The following CHRNA9 variants were observed in gnomAD, a reference collection of about 807,000 sequenced individuals.
The protein encoded by CHRNA9 is neuronal acetylcholine receptor subunit alpha-9.
A neutral mutation model predicts 36.8 loss-of-function variants in CHRNA9; 24 were observed. That is an observed-to-expected ratio of 0.65 (90% confidence interval 0.47 to 0.92). The LOEUF (loss-of-function observed/expected upper bound fraction) is 0.92, where lower values mean the gene tolerates loss of function less well. Among genes scored for constraint, CHRNA9 ranks in the 40% least tolerant of loss-of-function variants. The probability of loss-of-function intolerance (pLI) is 0.00; values close to 1 mark genes in which losing one functional copy is unlikely to be tolerated. For missense variants in CHRNA9, 610 were observed against 601.2 expected, an observed-to-expected ratio of 1.01 and a Z score of -0.15; for synonymous variants, 231 against 231.8, an observed-to-expected ratio of 1.00 and a Z score of 0.03.
rs1447453022 is a variant in CHRNA9 at position 40,354,755 on chromosome 4, A to AC, written c.*237dup. 4 of 442,632 alleles carry AC rather than the reference A, an allele frequency of 9.0e-6. No individual in the cohort carries two copies. Among genetic ancestry groups the AC allele is most frequent in the Non-Finnish European group, 1.6e-5 (4 of 249,308 alleles). The allele number at this position is 442,632 out of a possible 1,614,324, so 27.4% of individuals were successfully genotyped here. On this transcript the variant is annotated 3_prime_UTR_variant, in exon 5 of 5. Transcript: ENST00000310169. ...TAGGGAAAGAGCCCTTTTATAGCCC[A>AC]CCGTAGTGGTGGGTGACTGGCCTCT...
chr4:40,335,404 C>CT lies in CHRNA9; in HGVS notation c.-64_-63insT. 1 of 1,228,790 alleles carries CT rather than the reference C, an allele frequency of 8.1e-7. No homozygotes were observed. Among genetic ancestry groups the CT allele is most frequent in the Non-Finnish European group, 1.2e-6 (1 of 828,748 alleles). The allele number at this position is 1,228,790 out of a possible 1,614,324, so 76.1% of individuals were successfully genotyped here. On this transcript the variant is annotated 5_prime_UTR_variant, in exon 1 of 5. Transcript: ENST00000310169. ...TCCTTGTGCCCAGATCCTTTGTATT[C>CT]ATAGGGGGAAGTGGAAGACCACGCT...
chr4:40,349,144 G>T lies in CHRNA9; in HGVS notation c.628G>T (p.Ala210Ser). Residue 210 changes from alanine to serine, a missense_variant, in exon 4 of 5, where the codon GCT becomes TCT. Physicochemically the swap from Ala to Ser is moderately conservative, Grantham distance 99. Coordinates refer to ENST00000310169, the MANE Select transcript of CHRNA9 (RefSeq NM_017581.4). ...GGAATGGGAGGTCCATGGCATGCCC[G>T]CTGTGAAGAATGTGATCTCCTATGG... ...DVEWEVHGMP[A>S]VKNVISYGCC... 1 of 1,614,168 alleles carries T rather than the reference G, an allele frequency of 6.2e-7. No individual in the cohort carries two copies. The highest frequency in any genetic ancestry group is 8.5e-7 in the Non-Finnish European group (1 of 1,180,022).
At chr4:40,344,851 A>G (rs1464085543) in intron 3 of CHRNA9, among the ~76,000 whole-genome samples, 1 of 152,218 alleles carries the variant, frequency 6.6e-6, no homozygotes, top group Non-Finnish European at 1.5e-5. Flanking sequence ...CCCTTATAAC[A>G]CAGAAGTGAA....
At chr4:40,336,113 GAAAAGGAAGCTTTCTAC>G (rs1202169654) in intron 2 of CHRNA9, 141 bp downstream of exon 2, 3 of 711,970 alleles carry the variant, frequency 4.2e-6, no homozygotes, top group Non-Finnish European at 4.7e-6. Flanking sequence ...AGAATGTCGG[GAAAAGGAAGCTTTCTAC>G]AAAACTAATT....
intron 3 of CHRNA9, among the ~76,000 whole-genome samples, chr4:40,343,248 C>A (rs1234418409): frequency 1.3e-5 from 2 of 152,168 alleles, no homozygotes; most frequent in East Asian, 3.9e-4. Flanking sequence ...CTGTATTGGT[C>A]TGTTTTCATG....
chr4:40,354,625 G>A lies in CHRNA9; in HGVS notation c.*105G>A. 2 of 945,794 alleles carry A rather than the reference G, an allele frequency of 2.1e-6. No individual in the cohort carries two copies. Among genetic ancestry groups the A allele is most frequent in the Non-Finnish European group, 3.2e-6 (2 of 625,638 alleles). The allele number at this position is 945,794 out of a possible 1,614,324, so 58.6% of individuals were successfully genotyped here. On this transcript the variant is annotated 3_prime_UTR_variant, in exon 5 of 5. Transcript: ENST00000310169. ...TGTTCATCTATAATTTAGGGGTTATGTTGTCTGTGCTTTTTATTTTTAGCT... is the reference window on the plus strand; with the variant it reads ...TGTTCATCTATAATTTAGGGGTTATATTGTCTGTGCTTTTTATTTTTAGCT...
chr4:40,335,353 C>G lies in CHRNA9; in HGVS notation c.-115C>G. 3 of 800,088 alleles carry G rather than the reference C, an allele frequency of 3.7e-6. No homozygotes were observed. The highest frequency in any genetic ancestry group is 4.3e-6 in the Non-Finnish European group (2 of 461,142). The allele number at this position is 800,088 out of a possible 1,614,324, so 49.6% of individuals were successfully genotyped here. A position where few individuals can be genotyped will look rare whatever the true frequency, so the allele number is the denominator to read the frequency against. On this transcript the variant is annotated 5_prime_UTR_variant, in exon 1 of 5. Coordinates refer to ENST00000310169, the MANE Select transcript of CHRNA9 (RefSeq NM_017581.4). ...CATGCAATGCAAGCCTGAGCTCTCC[C>G]GCCATAAGGCTGCAGCGGTGTGGGC... is the stretch of plus-strand genomic sequence containing the variant.
At chr4:40,339,570 G>T (rs1001670482) in intron 3 of CHRNA9, among the ~76,000 whole-genome samples, 1 of 150,386 alleles carries the variant, frequency 6.6e-6, no homozygotes, top group Non-Finnish European at 1.5e-5. Context: ...GGAGGCTGAG[G>T]CAGGAGAATG....
At chr4:40,338,220 A>G (rs979512123) in intron 3 of CHRNA9, 1 of 152,210 alleles carries the variant, frequency 6.6e-6, no homozygotes, top group Middle Eastern at 3.2e-3. Context: ...CCGGTCTCAG[A>G]GCAAGGGGCA....
intron 3 of CHRNA9, among the ~76,000 whole-genome samples, 153 bp from the exon 4 acceptor site, chr4:40,348,728 TA>T (rs1712704900): frequency 6.6e-6 from 1 of 152,012 alleles, no homozygotes; most frequent in Non-Finnish European, 1.5e-5. Context: ...AAGGACAAAT[TA>T]GAGTTGATTC....
intron 3 of CHRNA9, among the ~76,000 whole-genome samples, chr4:40,346,436 T>G (rs572325239): frequency 6.6e-6 from 1 of 152,354 alleles, no homozygotes; most frequent in African/African-American, 2.4e-5. Context: ...GGCCATCTAT[T>G]TCCTACAGGG....
chr4:40,341,572 A>G (rs1471013667), intron 3 of CHRNA9, among the ~76,000 whole-genome samples: 2 of 152,140 alleles, frequency 1.3e-5, no homozygotes, highest in African/African-American at 4.8e-5. Context: ...TTGTGGGCCA[A>G]GTTTTTATTT....
intron 1 of CHRNA9, 91 bp downstream of exon 1, chr4:40,335,622 T>C (rs1397358157): frequency 8.1e-6 from 9 of 1,114,132 alleles, no homozygotes; most frequent in Non-Finnish European, 1.1e-5. Flanking sequence ...ACAAAACAGA[T>C]GATTCAACCG....
At chr4:40,341,132 A>G (rs56285891) in intron 3 of CHRNA9, among the ~76,000 whole-genome samples, 21,387 of 152,120 alleles carry the variant, frequency 0.14, 1,546 homozygotes, top group African/African-American at 0.16. Flanking sequence ...AAGTTCTGGC[A>G]GGAATGTTTA....
intron 2 of CHRNA9, among the ~76,000 whole-genome samples, chr4:40,336,806 G>A (rs1309746732): frequency 6.6e-6 from 1 of 152,122 alleles, no homozygotes; most frequent in Admixed American, 6.6e-5. Flanking sequence ...AAAAGGTAGT[G>A]TTTTAAGATG....
At chr4:40,350,350 C>T (rs1471429905) in intron 4 of CHRNA9, among the ~76,000 whole-genome samples, 1 of 152,116 alleles carries the variant, frequency 6.6e-6, no homozygotes, top group East Asian at 1.9e-4. Context: ...GAGGGTACCA[C>T]CCCTGCCTCC....
At chr4:40,350,841 A>G (rs1712781186) in intron 4 of CHRNA9, among the ~76,000 whole-genome samples, 2 of 152,020 alleles carry the variant, frequency 1.3e-5, no homozygotes. Context: ...ATGACATCCA[A>G]TCATAGCCCT....
At position 40,349,356 on chromosome 4, in the gene CHRNA9, T is replaced by A; in HGVS notation, c.840T>A (p.Thr280=). The change falls in exon 4 of 5, where the codon ACT becomes ACA. Residue 280 remains threonine (T), a synonymous_variant. Transcript: ENST00000310169. ...GAGTGACCATCCTGTTGGCCATGAC[T>A]GTATTTCAGCTAATGGTGGCAGAAA... ...SLGVTILLAM[T]VFQLMVAEIM... The A allele has an allele frequency of 6.2e-7, 1 of 1,614,124 alleles. No homozygotes were observed. The highest frequency in any genetic ancestry group is 2.2e-5 in the East Asian group (1 of 44,880).
At chr4:40,344,767 C>A (rs1401181186) in intron 3 of CHRNA9, among the ~76,000 whole-genome samples, 1 of 151,944 alleles carries the variant, frequency 6.6e-6, no homozygotes, top group Non-Finnish European at 1.5e-5. Context: ...ATTTTAAGAC[C>A]CAGTCTCTGA....
Sources: allele counts gnomAD v4.1 joint callset (sites outside exome capture counted in the v4.1 genomes callset), GRCh38; gene constraint gnomAD v4.1.1; transcripts MANE v1.5; gene names NCBI Gene and HGNC (gene_info 2026-07-23, HGNC 2026-07-21).